The following FBXO11 variants were observed in gnomAD, a reference collection of about 807,000 sequenced individuals.
FBXO11 encodes F-box only protein 11.
FBXO11 carries 13 observed loss-of-function variants against 117.0 expected under a neutral mutation model. The observed-to-expected ratio is 0.11, with a 90% confidence interval of 0.07 to 0.18. The LOEUF is 0.18. FBXO11 is among the 10% of genes least tolerant of loss of function. FBXO11 has a pLI of 1.00. For missense variants in FBXO11, 767 were observed against 1,164.4 expected (o/e 0.66, Z 4.97); for synonymous variants, 490 against 380.5 (o/e 1.29, Z -3.35).
chr2:47,855,211 T>G (rs1244398832), intron 1 of FBXO11, among the ~76,000 whole-genome samples: 1 of 151,994 alleles, frequency 6.6e-6, no homozygotes, highest in Non-Finnish European at 1.5e-5. Context: ...TTTTTTTTTT[T>G]TGTTTTTGAG....
chr2:47,841,332 A>C (rs1672995975), intron 1 of FBXO11, among the ~76,000 whole-genome samples: 1 of 152,184 alleles, frequency 6.6e-6, no homozygotes, highest in Non-Finnish European at 1.5e-5. Flanking sequence ...CTATAGAAAC[A>C]TTCCAGTAAT....
At chr2:47,809,933 A>G (rs1406317493) in intron 19 of FBXO11, 8 of 527,254 alleles carry the variant, frequency 1.5e-5, no homozygotes, top group Admixed American at 3.6e-5. Context: ...TAACTGTCTT[A>G]AAGTTTAAAT....
chr2:47,846,092 C>T (rs1465265510), intron 1 of FBXO11, among the ~76,000 whole-genome samples: 1 of 152,144 alleles, frequency 6.6e-6, no homozygotes, highest in East Asian at 1.9e-4. Context: ...ATGATAGATG[C>T]GGCAAACTGG....
chr2:47,825,375 TG>T (rs1671671784), intron 11 of FBXO11, among the ~76,000 whole-genome samples: 1 of 151,978 alleles, frequency 6.6e-6, no homozygotes, highest in South Asian at 2.1e-4. Flanking sequence ...GAATACACAC[TG>T]GGTGTATAAA....
intron 1 of FBXO11, among the ~76,000 whole-genome samples, chr2:47,855,436 A>G (rs191880982): frequency 2.7e-5 from 4 of 145,632 alleles, no homozygotes; most frequent in Middle Eastern, 8.1e-3. Flanking sequence ...ATTTAATGTA[A>G]TTAGTAAGAA....
chr2:47,832,397 A>G lies in FBXO11; in HGVS notation c.1350T>C (p.His450=). The G allele has an allele frequency of 6.2e-7, 1 of 1,613,626 alleles. No homozygotes were observed. Among genetic ancestry groups the G allele is most frequent in the Non-Finnish European group, 8.5e-7 (1 of 1,179,702 alleles). The stretch of plus-strand genomic sequence containing the variant: ...CACCAACATCACGTCCATGATGAAT[A>G]TGATTCCGTCTAATAATTGGGTTTC... ...NHGNPIIRRN[H]IHHGRDVGVF... Residue 450 remains histidine (H), a synonymous_variant, in exon 11 of 23, where the codon CAT becomes CAC. Coordinates refer to ENST00000403359, the MANE Select transcript of FBXO11 (RefSeq NM_001190274.2).
intron 1 of FBXO11, among the ~76,000 whole-genome samples, chr2:47,885,512 C>T (rs1245557932): frequency 6.6e-6 from 1 of 151,826 alleles, no homozygotes; most frequent in South Asian, 2.1e-4. Context: ...GAGGTGGAGG[C>T]TGCAGTGAGC....
Position 47,905,486 on chromosome 2 carries a change from T to C in FBXO11, c.232+3A>G. On this transcript the variant is annotated splice_donor_region_variant and intron_variant, in intron 1 of 22. Coordinates refer to ENST00000403359, the MANE Select transcript of FBXO11 (RefSeq NM_001190274.2). ...GGGCGGTTGGGAGGTAGCGCGGCCT[T>C]ACCCCGCTCGCCGACGTTGTTCCGC... The C allele has an allele frequency of 3.3e-6, 4 of 1,227,636 alleles. No homozygotes were observed. Among genetic ancestry groups the C allele is most frequent in the Non-Finnish European group, 4.1e-6 (4 of 985,890 alleles). 76.0% of individuals were successfully genotyped at this position (1,227,636 alleles called of 1,614,324 possible). A position where few individuals can be genotyped will look rare whatever the true frequency, so the allele number is the denominator to read the frequency against.
At chr2:47,869,708 AT>A (rs1675475782) in intron 1 of FBXO11, among the ~76,000 whole-genome samples, 1 of 152,256 alleles carries the variant, frequency 6.6e-6, no homozygotes, top group African/African-American at 2.4e-5. Flanking sequence ...ACCACATAGT[AT>A]GTAAGTTATA....
At chr2:47,824,349 A>G (rs1341353960) in intron 11 of FBXO11, among the ~76,000 whole-genome samples, 2 of 152,092 alleles carry the variant, frequency 1.3e-5, no homozygotes, top group Non-Finnish European at 2.9e-5. Context: ...AAAATTAGCC[A>G]GGTGTGGTGA....
intron 7 of FBXO11, among the ~76,000 whole-genome samples, chr2:47,833,516 GAA>G (rs1672333512): frequency 6.6e-6 from 1 of 152,134 alleles, no homozygotes; most frequent in Admixed American, 6.5e-5. Flanking sequence ...GATAGAGGAA[GAA>G]AGCAAAAGAG....
At chr2:47,896,521 G>T (rs1677680741) in intron 1 of FBXO11, among the ~76,000 whole-genome samples, 1 of 151,914 alleles carries the variant, frequency 6.6e-6, no homozygotes, top group Non-Finnish European at 1.5e-5. Flanking sequence ...GTAGAGACGG[G>T]GTTTCGCCAT....
At chr2:47,900,706 G>GTA (rs564965609) in intron 1 of FBXO11, among the ~76,000 whole-genome samples, 5 of 73,622 alleles carry the variant, frequency 6.8e-5, no homozygotes, top group African/African-American at 2.9e-4. Context: ...ACACACACGT[G>GTA]TATATATATA....
At chr2:47,894,452 G>A (rs1186677096) in intron 1 of FBXO11, among the ~76,000 whole-genome samples, 1 of 152,138 alleles carries the variant, frequency 6.6e-6, no homozygotes, top group Non-Finnish European at 1.5e-5. Flanking sequence ...AAACTTAAGT[G>A]GAGAAACAAA....
chr2:47,889,298 G>A (rs1677091395), intron 1 of FBXO11, among the ~76,000 whole-genome samples: 1 of 152,122 alleles, frequency 6.6e-6, no homozygotes. Flanking sequence ...GCTCTTCATA[G>A]AACCATGTAG....
chr2:47,866,940 G>C (rs953266709), intron 1 of FBXO11, among the ~76,000 whole-genome samples: 1 of 152,076 alleles, frequency 6.6e-6, no homozygotes, highest in African/African-American at 2.4e-5. Flanking sequence ...AATGTTTTGT[G>C]TTCTCTGGCA....
rs776292782 is a variant in FBXO11, at chr2:47,822,319, A to AT, written c.1617-17dup. Reference sequence around the variant, plus strand: ...AGAATTTCCCCTATAATTATGCGAAATAAAAAAAAAGAAGACATCTATTCA... The same window carrying AT: ...AGAATTTCCCCTATAATTATGCGAAATTAAAAAAAAAGAAGACATCTATTCA... On this transcript the variant is annotated splice_polypyrimidine_tract_variant and intron_variant, in intron 12 of 22. Transcript: ENST00000403359. 1 of 1,516,260 alleles carries AT rather than the reference A, an allele frequency of 6.6e-7. No homozygotes were observed. Among genetic ancestry groups the AT allele is most frequent in the Admixed American group, 2.0e-5 (1 of 49,466 alleles). The allele number at this position is 1,516,260 out of a possible 1,614,324, so 93.9% of individuals were successfully genotyped here. A position where few individuals can be genotyped will look rare whatever the true frequency, so the allele number is the denominator to read the frequency against.
chr2:47,893,856 A>C (rs934189251), intron 1 of FBXO11, among the ~76,000 whole-genome samples: 1 of 152,242 alleles, frequency 6.6e-6, no homozygotes, highest in Non-Finnish European at 1.5e-5. Context: ...GATAATGTTC[A>C]GTAAATGGCA....
rs1245573600 is a variant in FBXO11, at chr2:47,846,615, T to TAGAATTCA, written c.233-6847_233-6846insTGAATTCT. 2.0e-5 allele frequency among the ~76,000 whole-genome samples: 3 copies of TAGAATTCA among 152,222 alleles called. No individual in the cohort carries two copies. In the East Asian group the frequency reaches 5.8e-4, roughly 29 times the overall value. On this transcript the variant is annotated intron_variant, in intron 1 of 22. Transcript: ENST00000403359. Reference sequence around the variant, plus strand: ...ACTATAATTCACAGAAAAATTTAGTTAGAAAAAATGTTCTAGACCAGAAAT... The same window carrying TAGAATTCA: ...ACTATAATTCACAGAAAAATTTAGTTAGAATTCAAGAAAAAATGTTCTAGACCAGAAAT...
Sources: allele counts gnomAD v4.1 joint callset (sites outside exome capture counted in the v4.1 genomes callset), GRCh38; gene constraint gnomAD v4.1.1; transcripts MANE v1.5; gene names NCBI Gene and HGNC (gene_info 2026-07-23, HGNC 2026-07-21).